SORBS2: variants seen among roughly 807,000 people sequenced by gnomAD.
SORBS2 encodes the protein sorbin and SH3 domain-containing protein 2.
In SORBS2, 46 loss-of-function variants were observed where a neutral mutation model predicts 97.7. That is an observed-to-expected ratio of 0.47 (90% CI 0.37 to 0.60). SORBS2 has a LOEUF of 0.60. SORBS2 is among the 20% of genes least tolerant of loss of function. SORBS2 has a pLI of 0.00. For missense variants in SORBS2, 1,316 were observed against 1,282.3 expected (o/e 1.03, Z -0.40); for synonymous variants, 476 against 473.4 (o/e 1.01, Z -0.07).
At chr4:185,723,238 A>G (rs573432637) in intron 2 of SORBS2, among the ~76,000 whole-genome samples, 75 of 152,342 alleles carry the variant, frequency 4.9e-4, no homozygotes, top group African/African-American at 1.7e-3. Flanking sequence ...CATAACACAG[A>G]TGGCTTCTTG....
chr4:185,791,003 T>C (rs2099077533), intron 1 of SORBS2, among the ~76,000 whole-genome samples: 2 of 152,092 alleles, frequency 1.3e-5, no homozygotes. Context: ...GGGGGAAAAA[T>C]AATAAAATAT....
At chr4:185,928,492 G>T (rs545612311) in intron 1 of SORBS2, among the ~76,000 whole-genome samples, 1 of 152,142 alleles carries the variant, frequency 6.6e-6, no homozygotes, top group South Asian at 2.1e-4. Context: ...TGAGCACTGC[G>T]GGAGAGTCAG....
intron 2 of SORBS2, among the ~76,000 whole-genome samples, chr4:185,756,285 C>T (rs1014393592): frequency 2.6e-5 from 4 of 152,116 alleles, no homozygotes; most frequent in Non-Finnish European, 4.4e-5. Flanking sequence ...TTTTATAAAT[C>T]GCATGAAAAA....
intron 1 of SORBS2, among the ~76,000 whole-genome samples, chr4:185,932,442 T>G (rs1378126332): frequency 6.6e-6 from 1 of 151,930 alleles, no homozygotes; most frequent in Non-Finnish European, 1.5e-5. Context: ...GATGATTTTT[T>G]GGCCAGACAA....
At chr4:185,932,696 T>C (rs1397928580) in intron 1 of SORBS2, among the ~76,000 whole-genome samples, 2 of 151,772 alleles carry the variant, frequency 1.3e-5, no homozygotes, top group Admixed American at 6.6e-5. Context: ...CTCTGCAAAC[T>C]GCTGTAGGCA....
At chr4:185,645,270 A>G (rs1286419791) in intron 4 of SORBS2, among the ~76,000 whole-genome samples, 3 of 152,134 alleles carry the variant, frequency 2.0e-5, no homozygotes. Flanking sequence ...ACTGTTTTCA[A>G]TTTTCTGCAA....
At chr4:185,879,647 G>C (rs1012089601) in intron 1 of SORBS2, among the ~76,000 whole-genome samples, 3 of 152,108 alleles carry the variant, frequency 2.0e-5, no homozygotes, top group Non-Finnish European at 2.9e-5. Context: ...CAGTGTAAAA[G>C]TGTTCCTATT....
chr4:185,856,549 T>A (rs2099220631), intron 1 of SORBS2, among the ~76,000 whole-genome samples: 1 of 152,192 alleles, frequency 6.6e-6, no homozygotes, highest in African/African-American at 2.4e-5. Flanking sequence ...GCATCTCCAG[T>A]AACTTTTTTT....
At chr4:185,855,101 T>TCTC (rs2099220061) in intron 1 of SORBS2, among the ~76,000 whole-genome samples, 1 of 152,220 alleles carries the variant, frequency 6.6e-6, no homozygotes, top group Non-Finnish European at 1.5e-5. Flanking sequence ...ACTATTAGTT[T>TCTC]CTCCAAGCAT....
chr4:185,664,516 A>C (rs1012483791), intron 4 of SORBS2, among the ~76,000 whole-genome samples: 10 of 152,284 alleles, frequency 6.6e-5, no homozygotes, highest in Non-Finnish European at 8.8e-5. Context: ...GGAGGAACCC[A>C]CACCTGCTGT....
At chr4:185,810,716 C>T (rs2099176699) in intron 1 of SORBS2, 1 of 152,114 alleles carries the variant, frequency 6.6e-6, no homozygotes, top group African/African-American at 2.4e-5. Flanking sequence ...CAGCTTTGTT[C>T]CTAAGAGACT....
In SORBS2 at chr4:185,868,675, T is replaced by C. The variant is rs188265594; in HGVS notation, c.-338+87521A>G. Among the ~76,000 whole-genome samples, 6 of 152,266 alleles carry C rather than the reference T, an allele frequency of 3.9e-5. No homozygotes were observed. The East Asian group carries it at 7.7e-4, about 20-fold the overall frequency. On this transcript the variant is annotated intron_variant, in intron 1 of 20. Transcript: ENST00000284776. ...AATTTTTTTCATGTTGTGCCCTCTCTGTAAAGCCTGTTTAGGGGAATAGAG... is the reference window on the plus strand; with the variant it reads ...AATTTTTTTCATGTTGTGCCCTCTCCGTAAAGCCTGTTTAGGGGAATAGAG...
intron 4 of SORBS2, chr4:185,675,155 C>G (rs556653685): frequency 1.3e-5 from 2 of 152,334 alleles, no homozygotes; most frequent in Admixed American, 6.5e-5. Flanking sequence ...CTCTGCGCAG[C>G]CTGGATAAAA....
At chr4:185,677,661 A>G in intron 4 of SORBS2, 1 of 1,464,474 alleles carries the variant, frequency 6.8e-7, no homozygotes, top group Non-Finnish European at 9.0e-7. Flanking sequence ...TGGGATCCAG[A>G]GAAAGAAATA....
At chr4:185,787,321 A>C (rs1012757313) in intron 1 of SORBS2, among the ~76,000 whole-genome samples, 13 of 152,198 alleles carry the variant, frequency 8.5e-5, no homozygotes, top group African/African-American at 2.9e-4. Flanking sequence ...TTTAAGTGAA[A>C]ATGGTTAAGA....
At chr4:185,590,811 C>T (rs549570657) in intron 13 of SORBS2, among the ~76,000 whole-genome samples, 2 of 152,236 alleles carry the variant, frequency 1.3e-5, no homozygotes, top group South Asian at 2.1e-4. Context: ...ATTTGATAGG[C>T]AGTTAACATG....
intron 2 of SORBS2, among the ~76,000 whole-genome samples, chr4:185,718,275 C>G (rs79448898): frequency 2.0e-5 from 3 of 151,766 alleles, no homozygotes; most frequent in African/African-American, 7.3e-5. Context: ...AAATAGCTGG[C>G]GCAGAACAAA....
At chr4:185,629,093 G>A (rs899221765) in intron 5 of SORBS2, among the ~76,000 whole-genome samples, 1 of 152,182 alleles carries the variant, frequency 6.6e-6, no homozygotes, top group Non-Finnish European at 1.5e-5. Flanking sequence ...AACCGATGAG[G>A]TATATGCTGT....
intron 1 of SORBS2, among the ~76,000 whole-genome samples, chr4:185,939,890 C>A (rs537267366): frequency 5.3e-5 from 8 of 152,314 alleles, no homozygotes; most frequent in Non-Finnish European, 1.2e-4. Context: ...CCCAGTGAAA[C>A]CATTCTCATC....
Sources: allele counts gnomAD v4.1 joint callset (sites outside exome capture counted in the v4.1 genomes callset), GRCh38; gene constraint gnomAD v4.1.1; transcripts MANE v1.5; gene names NCBI Gene and HGNC (gene_info 2026-07-23, HGNC 2026-07-21).